Variants in TMEM131 observed in about 807,000 individuals in gnomAD.
TMEM131 encodes transmembrane protein 131.
In TMEM131, 66 loss-of-function variants were observed where a neutral mutation model predicts 211.6. The observed-to-expected ratio is 0.31, with a 90% CI of 0.26 to 0.38. The LOEUF is 0.38. Among genes scored for constraint, TMEM131 ranks in the 10% least tolerant of loss-of-function variants. The pLI is 1.00. For synonymous variants in TMEM131, 844 were observed against 841.3 expected, an observed-to-expected ratio of 1.00 and a Z score of -0.06; for missense variants, 2,036 against 2,299.3, an observed-to-expected ratio of 0.89 and a Z score of 2.34.
intron 2 of TMEM131, among the ~76,000 whole-genome samples, chr2:97,925,934 C>G (rs925401817): frequency 1.3e-5 from 2 of 151,790 alleles, no homozygotes; most frequent in Admixed American, 1.3e-4. Flanking sequence ...CATGGTGAAA[C>G]CCCGTCTGTA....
intron 40 of TMEM131, among the ~76,000 whole-genome samples, chr2:97,757,627 C>T (rs1678565954): frequency 6.6e-6 from 1 of 152,178 alleles, no homozygotes. Flanking sequence ...CCTCAAACTC[C>T]TGGGCTCAAG....
In TMEM131 at chr2:97,805,069, A is replaced by G. The variant is rs761987233; in HGVS notation, c.2402+19T>C. On this transcript the variant is annotated intron_variant, in intron 22 of 40. Transcript: ENST00000186436. The stretch of plus-strand genomic sequence containing the variant: ...CATCTTGTAAAGATGGCTAAAATAA[A>G]TAAACATAAACCACTCACCTATGAC... The G allele has an allele frequency of 6.6e-7, 1 of 1,504,686 alleles. No homozygotes were observed. The highest frequency in any genetic ancestry group is 9.0e-7 in the Non-Finnish European group (1 of 1,105,514). 93.2% of individuals were successfully genotyped at this position (1,504,686 alleles called of 1,614,324 possible). A position where few individuals can be genotyped will look rare whatever the true frequency, so the allele number is the denominator to read the frequency against.
At chr2:97,879,029 T>C (rs1389705300) in intron 4 of TMEM131, among the ~76,000 whole-genome samples, 1 of 152,164 alleles carries the variant, frequency 6.6e-6, no homozygotes, top group African/African-American at 2.4e-5. Context: ...AGTCTTGATA[T>C]CTGAACCAAA....
chr2:97,766,532 G>A lies in TMEM131; in HGVS notation c.4519C>T (p.Leu1507Phe). The A allele has an allele frequency of 6.2e-7, 1 of 1,614,020 alleles. No individual in the cohort carries two copies. Among genetic ancestry groups the A allele is most frequent in the Non-Finnish European group, 8.5e-7 (1 of 1,179,898 alleles). ...QRRNLPSKIP[L>F]PTAMTSGSKS... ...GATCCACTTGTCATTGCAGTTGGAA[G>A]AGGAATCTTGCTTGGGAGATTTCTA... Residue 1507 changes from leucine (L) to phenylalanine (F), a missense_variant, in exon 34 of 41, where the codon CTT (leucine) becomes TTT (phenylalanine). Leu to Phe is a conservative substitution (Grantham distance 22). This residue lies in a region of TMEM131 where 1,623 missense variants were observed against 1,805.9 expected (regional missense o/e 0.90). Transcript: ENST00000186436.
rs1344379754 is a variant in TMEM131, at chr2:97,767,037, ATC to A, written c.4449-437_4449-436del. Among the ~76,000 whole-genome samples the A allele has an allele frequency of 1.2e-4, 18 of 152,316 alleles. No individual in the cohort carries two copies. The East Asian group carries it at 3.5e-3, about 29-fold the overall frequency. Reference sequence around the variant, plus strand: ...ACATGAAGATTTTGAAAGATCTCACATCTATAACATTAGAGACTCCACTATTC... The same window carrying A: ...ACATGAAGATTTTGAAAGATCTCACATATAACATTAGAGACTCCACTATTC... On this transcript the variant is annotated intron_variant, in intron 33 of 40. Coordinates refer to ENST00000186436, the MANE Select transcript of TMEM131 (RefSeq NM_015348.2).
Position 97,813,999 on chromosome 2 carries a change from G to T in TMEM131, c.1589C>A (p.Pro530His), listed in dbSNP as rs1395146457. The part of the protein sequence containing the change: ...LITNASKFHL[P>H]VRVYTGFLDY... ...TAAAAAGCCTGTGTATACCCGCACG[G>T]GTAAATGAAATTTAGAAGCATTGGT... The change falls in exon 15 of 41, where the codon CCC becomes CAC. Residue 530 changes from proline to histidine, a missense_variant. By Grantham distance (77) the Pro-to-His change is moderately conservative. Transcript: ENST00000186436. 1 of 1,598,626 alleles carries T rather than the reference G, an allele frequency of 6.3e-7. No homozygotes were observed. Among genetic ancestry groups the T allele is most frequent in the Non-Finnish European group, 8.5e-7 (1 of 1,171,600 alleles).
At chr2:97,943,100 A>AGAAAG (rs1491111163) in intron 1 of TMEM131, among the ~76,000 whole-genome samples, 2 of 149,682 alleles carry the variant, frequency 1.3e-5, no homozygotes, top group South Asian at 2.1e-4. Context: ...AAAGAAAGAA[A>AGAAAG]GAGCTGGGTG....
chr2:97,834,580 A>C, intron 10 of TMEM131, 41 bp downstream of exon 10: 1 of 1,472,128 alleles, frequency 6.8e-7, no homozygotes, highest in Non-Finnish European at 9.0e-7. Flanking sequence ...GGTTAAAAAA[A>C]AAAAAAACTC....
chr2:97,756,798 G>A lies in TMEM131; in HGVS notation c.*301C>T, dbSNP rs1452285485. The A allele has an allele frequency of 4.2e-6, 1 of 235,584 alleles. No individual in the cohort carries two copies. Among genetic ancestry groups the A allele is most frequent in the Non-Finnish European group, 8.1e-6 (1 of 123,356 alleles). The allele number at this position is 235,584 out of a possible 1,614,324, so 14.6% of individuals were successfully genotyped here. ...TGTTCATACAGATAAATAAAGCATG[G>A]GGAAGACAGGTGGTGAAAACGCAGT... On this transcript the variant is annotated 3_prime_UTR_variant, in exon 41 of 41. Coordinates refer to ENST00000186436, the MANE Select transcript of TMEM131 (RefSeq NM_015348.2).
chr2:97,974,130 TTAAG>T (rs1348469830), intron 1 of TMEM131, among the ~76,000 whole-genome samples: 1 of 152,024 alleles, frequency 6.6e-6, no homozygotes, highest in African/African-American at 2.4e-5. Flanking sequence ...GTTCAAAAAG[TTAAG>T]TAGAGAGATG....
intron 2 of TMEM131, chr2:97,911,686 T>C (rs1676300264): frequency 1.0e-5 from 10 of 983,336 alleles, no homozygotes; most frequent in African/African-American, 1.7e-5. Flanking sequence ...GGAAATAAAG[T>C]TAGAAAATCA....
At chr2:97,947,127 A>G (rs1385493898) in intron 1 of TMEM131, among the ~76,000 whole-genome samples, 2 of 152,074 alleles carry the variant, frequency 1.3e-5, no homozygotes, top group African/African-American at 4.8e-5. Context: ...GAAAGACTAA[A>G]TACTTTCCAT....
chr2:97,858,187 G>T (rs570902015), intron 5 of TMEM131, among the ~76,000 whole-genome samples: 7 of 152,162 alleles, frequency 4.6e-5, no homozygotes, highest in Admixed American at 3.3e-4. Flanking sequence ...TGGCTAAAAA[G>T]GTTTCTTCTT....
intron 1 of TMEM131, among the ~76,000 whole-genome samples, chr2:97,987,056 T>C (rs1573657277): frequency 6.6e-6 from 1 of 152,216 alleles, no homozygotes; most frequent in East Asian, 1.9e-4. Context: ...TTAACCTGAA[T>C]CCATAAAGTT....
chr2:97,866,369 G>A (rs1674272489), intron 4 of TMEM131, among the ~76,000 whole-genome samples: 3 of 152,192 alleles, frequency 2.0e-5, no homozygotes, highest in Non-Finnish European at 4.4e-5. Context: ...TTTCTATAAA[G>A]TTGACAGTAA....
intron 31 of TMEM131, among the ~76,000 whole-genome samples, chr2:97,778,556 A>C (rs1480784747): frequency 1.3e-5 from 2 of 152,198 alleles, no homozygotes; most frequent in Non-Finnish European, 2.9e-5. Flanking sequence ...ATCTCAAAAA[A>C]AAAAAAAAAT....
At chr2:97,938,674 A>G (rs996752162) in intron 1 of TMEM131, among the ~76,000 whole-genome samples, 5 of 152,160 alleles carry the variant, frequency 3.3e-5, no homozygotes, top group African/African-American at 4.8e-5. Flanking sequence ...TGCACCAAGC[A>G]GACCTAATAG....
intron 5 of TMEM131, among the ~76,000 whole-genome samples, chr2:97,853,946 A>G (rs1376122040): frequency 6.6e-6 from 1 of 152,256 alleles, no homozygotes; most frequent in African/African-American, 2.4e-5. Context: ...CAAAGAACTT[A>G]GAATACTACA....
chr2:97,917,767 G>A (rs1676568691), intron 2 of TMEM131, among the ~76,000 whole-genome samples: 1 of 152,126 alleles, frequency 6.6e-6, no homozygotes, highest in African/African-American at 2.4e-5. Flanking sequence ...CCGCCGCCAT[G>A]ATTCAATTAC....
Sources: allele counts gnomAD v4.1 joint callset (sites outside exome capture counted in the v4.1 genomes callset), GRCh38; gene constraint gnomAD v4.1.1; regional missense constraint gnomAD v4.1.1; transcripts MANE v1.5; gene names NCBI Gene and HGNC (gene_info 2026-07-23, HGNC 2026-07-21).